SYNPR: variants seen among roughly 807,000 people sequenced by gnomAD.
SYNPR encodes synaptoporin.
A neutral mutation model predicts 32.9 loss-of-function variants in SYNPR; 23 were observed. The observed-to-expected ratio is 0.70, with a 90% CI of 0.50 to 0.99. The LOEUF is 0.99. Among genes scored for constraint, SYNPR ranks in the 50% least tolerant of loss-of-function variants. SYNPR has a pLI of 0.00. For missense variants in SYNPR, 318 were observed against 349.3 expected, an observed-to-expected ratio of 0.91 and a Z score of 0.71; for synonymous variants, 146 against 135.9, an observed-to-expected ratio of 1.07 and a Z score of -0.52.
At chr3:63,408,253 G>GAAAGAAAC (rs2088400680) in intron 2 of SYNPR, among the ~76,000 whole-genome samples, 1 of 119,622 alleles carries the variant, frequency 8.4e-6, no homozygotes, top group Non-Finnish European at 1.7e-5. Flanking sequence ...AAGAAAGAAA[G>GAAAGAAAC]AAAGAAAGAA....
chr3:63,273,948 T>C (rs1181182924), upstream of SYNPR, among the ~76,000 whole-genome samples: 1 of 152,234 alleles, frequency 6.6e-6, no homozygotes, highest in African/African-American at 2.4e-5. Context: ...CACAATCTCC[T>C]GTCCTGTGTA....
intron 2 of SYNPR, among the ~76,000 whole-genome samples, chr3:63,434,046 C>T (rs1038514446): frequency 6.6e-6 from 1 of 152,056 alleles, no homozygotes; most frequent in Non-Finnish European, 1.5e-5. Context: ...ACAAGCAGAT[C>T]ATGACTAGGC....
intron 4 of SYNPR, among the ~76,000 whole-genome samples, chr3:63,600,906 A>G (rs1700031038): frequency 6.6e-6 from 1 of 152,228 alleles, no homozygotes; most frequent in Non-Finnish European, 1.5e-5. Flanking sequence ...CAAAAAATAC[A>G]GAAGTTCAGG....
chr3:63,502,619 C>T (rs1263126118), intron 3 of SYNPR, among the ~76,000 whole-genome samples: 2 of 152,086 alleles, frequency 1.3e-5, no homozygotes, highest in Non-Finnish European at 2.9e-5. Flanking sequence ...TTGCTTTTTC[C>T]AGAATGGCAT....
intron 2 of SYNPR, among the ~76,000 whole-genome samples, chr3:63,410,047 CTT>C (rs2088441193): frequency 6.6e-6 from 1 of 151,388 alleles, no homozygotes; most frequent in Non-Finnish European, 1.5e-5. Context: ...AAAAAAAACA[CTT>C]TGTTGTCTCA....
At position 63,329,043 on chromosome 3, in the gene SYNPR, G is replaced by C. The variant is rs527354856; in HGVS notation, c.84+50301G>C. Among the ~76,000 whole-genome samples, 8 of 152,220 alleles carry C rather than the reference G, an allele frequency of 5.3e-5. No individual in the cohort carries two copies. In the East Asian group the frequency reaches 1.5e-3, roughly 29 times the overall value. On this transcript the variant is annotated intron_variant, in intron 2 of 5. Transcript: ENST00000478300. The stretch of plus-strand genomic sequence containing the variant: ...TTCTAAAAATAGGAGCAGTCTCCTA[G>C]TTCTTAGGTGGTATAAAAGTAATAA...
intron 2 of SYNPR, among the ~76,000 whole-genome samples, chr3:63,343,157 A>G (rs2087389833): frequency 6.6e-6 from 1 of 152,294 alleles, no homozygotes; most frequent in East Asian, 1.9e-4. Flanking sequence ...CGGAGTGGAA[A>G]GAGCAACAAG....
At chr3:63,304,329 C>T (rs1416168986) in intron 2 of SYNPR, among the ~76,000 whole-genome samples, 1 of 148,578 alleles carries the variant, frequency 6.7e-6, no homozygotes, top group African/African-American at 2.5e-5. Context: ...GCTAAGTAAG[C>T]AAGAAAAAGA....
chr3:63,289,967 A>G (rs2086722471), intron 2 of SYNPR, among the ~76,000 whole-genome samples: 1 of 151,802 alleles, frequency 6.6e-6, no homozygotes, highest in Admixed American at 6.6e-5. Context: ...CCTCTCTACT[A>G]AAAATACAAA....
chr3:63,320,464 G>A (rs1170370626), intron 2 of SYNPR, among the ~76,000 whole-genome samples: 2 of 151,900 alleles, frequency 1.3e-5, no homozygotes, highest in Non-Finnish European at 2.9e-5. Flanking sequence ...TTTTTTAGTG[G>A]AACATTGTAA....
chr3:63,462,210 C>G (rs1052918568), intron 2 of SYNPR, among the ~76,000 whole-genome samples: 4 of 152,104 alleles, frequency 2.6e-5, no homozygotes, highest in Admixed American at 2.6e-4. Context: ...CAGACCCTTC[C>G]TCAAAGAAGC....
At chr3:63,221,986 G>A in the SYNPR span, among the ~76,000 whole-genome samples, 2 of 121,206 alleles carry the variant, frequency 1.7e-5, no homozygotes, top group Non-Finnish European at 3.5e-5. Context: ...TATCTTACAT[G>A]TCTCTGTGCA....
chr3:63,551,025 C>T (rs1017883446), intron 3 of SYNPR, among the ~76,000 whole-genome samples: 4 of 152,142 alleles, frequency 2.6e-5, no homozygotes, highest in Admixed American at 2.0e-4. Context: ...TAAGCTTTAT[C>T]GGGACATAAT....
intron 3 of SYNPR, among the ~76,000 whole-genome samples, chr3:63,491,271 C>T (rs926597363): frequency 1.1e-4 from 16 of 152,066 alleles, no homozygotes; most frequent in African/African-American, 2.7e-4. Context: ...ATTCAGGAAA[C>T]AAGAGCTCAT....
intron 2 of SYNPR, among the ~76,000 whole-genome samples, chr3:63,436,511 T>C (rs1700087897): frequency 6.6e-6 from 1 of 152,090 alleles, no homozygotes; most frequent in African/African-American, 2.4e-5. Context: ...TCGCCTTGTC[T>C]CCTGAGTCAA....
chr3:63,411,038 G>C (rs540695886), intron 2 of SYNPR, among the ~76,000 whole-genome samples: 6 of 152,304 alleles, frequency 3.9e-5, no homozygotes, highest in African/African-American at 1.4e-4. Context: ...ACTACTCACT[G>C]TTCTTTAATG....
intron 4 of SYNPR, among the ~76,000 whole-genome samples, chr3:63,571,308 G>A (rs1380225901): frequency 6.6e-6 from 1 of 152,116 alleles, no homozygotes; most frequent in East Asian, 1.9e-4. Flanking sequence ...TGCTGTCCCT[G>A]CAGTCTTTGT....
rs11922278 is a variant in SYNPR at position 63,533,912 on chromosome 3, G to A, written c.210-22631G>A. ...CCATTAACAAAAGAAGAGAGATTGA[G>A]TGTTTTGGCAACCAAAGCACTGATA... is the stretch of plus-strand genomic sequence containing the variant. On this transcript the variant is annotated intron_variant, in intron 3 of 5. Coordinates refer to ENST00000478300, the MANE Select transcript of SYNPR (RefSeq NM_001130003.2). Among the ~76,000 whole-genome samples, 424 of 152,266 alleles carry A rather than the reference G, an allele frequency of 2.8e-3. 1 individual carries two copies. The highest frequency in any genetic ancestry group is 9.5e-3 in the African/African-American group (393 of 41,556).
chr3:63,257,555 G>A (rs1575578025), intron 2 of SYNPR, among the ~76,000 whole-genome samples: 1 of 152,060 alleles, frequency 6.6e-6, no homozygotes, highest in East Asian at 1.9e-4. Context: ...CCCTAAAAGA[G>A]CTCCTGAAGG....
Sources: allele counts gnomAD v4.1 joint callset (sites outside exome capture counted in the v4.1 genomes callset), GRCh38; gene constraint gnomAD v4.1.1; transcripts MANE v1.5; gene names NCBI Gene and HGNC (gene_info 2026-07-23, HGNC 2026-07-21).